Variants in TFDP2 observed in about 807,000 individuals in gnomAD.
TFDP2 encodes the protein transcription factor Dp-2 (E2F dimerization partner 2).
A neutral mutation model predicts 59.3 loss-of-function variants in TFDP2; 17 were observed. That is an observed-to-expected ratio of 0.29 (90% CI 0.20 to 0.43). The LOEUF is 0.43. Ranked by LOEUF, TFDP2 falls within the 20% of genes least tolerant of loss-of-function variation. TFDP2 has a pLI of 1.00. For synonymous variants in TFDP2, 180 were observed against 194.7 expected, an observed-to-expected ratio of 0.92 and a Z score of 0.63; for missense variants, 391 against 528.8, an observed-to-expected ratio of 0.74 and a Z score of 2.56.
chr3:142,102,249 C>T (rs1433529394), intron 1 of TFDP2, among the ~76,000 whole-genome samples: 2 of 152,168 alleles, frequency 1.3e-5, no homozygotes, highest in Admixed American at 1.3e-4. Flanking sequence ...CAGAAATCAG[C>T]TTAAAGAGCC....
At chr3:142,058,948 C>G (rs919867409) in intron 3 of TFDP2, among the ~76,000 whole-genome samples, 1 of 152,152 alleles carries the variant, frequency 6.6e-6, no homozygotes, top group African/African-American at 2.4e-5. Flanking sequence ...CTGGCACCAG[C>G]CCCCATCCTA....
At position 142,099,719 on chromosome 3, in the gene TFDP2, T is replaced by C. The variant is rs528137240; in HGVS notation, c.15+2016A>G. ...CATTTCAAAAAAAAAAAAAAAGAAATGACCCCAAAATTTCTACCTCCATTC... is the reference window on the plus strand; with the variant it reads ...CATTTCAAAAAAAAAAAAAAAGAAACGACCCCAAAATTTCTACCTCCATTC... On this transcript the variant is annotated intron_variant, in intron 2 of 12. Transcript: ENST00000489671. Among the ~76,000 whole-genome samples the C allele has an allele frequency of 5.4e-5, 8 of 148,340 alleles. No homozygotes were observed. The South Asian group carries it at 8.6e-4, about 16-fold the overall frequency.
chr3:141,974,080 T>C lies in TFDP2; in HGVS notation c.631A>G (p.Thr211Ala), dbSNP rs1304521923. 1 of 1,612,358 alleles carries C rather than the reference T, an allele frequency of 6.2e-7. No individual in the cohort carries two copies. The highest frequency in any genetic ancestry group is 8.5e-7 in the Non-Finnish European group (1 of 1,179,402). ...TTCTGACATTCCTGAGCAGAATTGG[T>C]AGGCAGGCCAATCCACTTGATTTCT... ...KKEIKWIGLP[T>A]NSAQECQNLE... The change falls in exon 8 of 13, where the codon ACC becomes GCC. Residue 211 changes from threonine (T) to alanine (A), a missense_variant. Coordinates refer to ENST00000489671, the MANE Select transcript of TFDP2 (RefSeq NM_001178139.2).
At chr3:141,980,661 G>A (rs554268744) in intron 6 of TFDP2, among the ~76,000 whole-genome samples, 15 of 152,056 alleles carry the variant, frequency 9.9e-5, no homozygotes, top group African/African-American at 3.4e-4. Context: ...TCAGCCTCCC[G>A]AGTAGCTGGC....
chr3:142,113,891 G>A (rs139650318), intron 1 of TFDP2, among the ~76,000 whole-genome samples: 8 of 152,254 alleles, frequency 5.3e-5, no homozygotes, highest in African/African-American at 1.9e-4. Flanking sequence ...AGGGCCGGGC[G>A]GGGTGGCTCA....
intron 3 of TFDP2, among the ~76,000 whole-genome samples, chr3:142,049,453 A>C (rs916076575): frequency 1.3e-5 from 2 of 152,250 alleles, no homozygotes; most frequent in Non-Finnish European, 2.9e-5. Flanking sequence ...GACAAGGAAT[A>C]GATGGGAACT....
rs1935281242 is a variant in TFDP2 at position 141,946,659 on chromosome 3, G to A, written c.*5854C>T. 6.6e-6 allele frequency: 1 copy of A among 152,178 alleles called. No homozygotes were observed. Among genetic ancestry groups the A allele is most frequent in the South Asian group, 2.1e-4 (1 of 4,834 alleles). The allele number at this position is 152,178 out of a possible 1,614,324, so 9.4% of individuals were successfully genotyped here. ...GAGATTACCTAAGCATCACTTCTCA[G>A]AGACGTTTTGGTTAAGGGACTACTT... On this transcript the variant is annotated 3_prime_UTR_variant, in exon 13 of 13. Coordinates refer to ENST00000489671, the MANE Select transcript of TFDP2 (RefSeq NM_001178139.2).
At chr3:141,998,161 G>A (rs1943452670) in intron 4 of TFDP2, among the ~76,000 whole-genome samples, 1 of 152,146 alleles carries the variant, frequency 6.6e-6, no homozygotes, top group African/African-American at 2.4e-5. Context: ...GAGTATGTGA[G>A]ATACAGTAAG....
intron 3 of TFDP2, among the ~76,000 whole-genome samples, chr3:142,029,465 T>G (rs199543600): frequency 7.9e-5 from 1 of 12,620 alleles, no homozygotes; most frequent in Non-Finnish European, 1.5e-4. Flanking sequence ...GTTGTCCTGG[T>G]TTTTTTTTAA....
chr3:142,031,875 C>A (rs1946446525), intron 3 of TFDP2, among the ~76,000 whole-genome samples: 1 of 152,150 alleles, frequency 6.6e-6, no homozygotes, highest in Non-Finnish European at 1.5e-5. Flanking sequence ...TCTATCAGAT[C>A]TATATAATGA....
At chr3:142,083,646 A>G (rs1268517403) in intron 3 of TFDP2, among the ~76,000 whole-genome samples, 1 of 152,202 alleles carries the variant, frequency 6.6e-6, no homozygotes, top group Non-Finnish European at 1.5e-5. Flanking sequence ...ATACTGGCAA[A>G]AAAACAGACA....
chr3:142,141,314 C>T (rs1214750826), intron 1 of TFDP2, among the ~76,000 whole-genome samples: 2 of 152,220 alleles, frequency 1.3e-5, no homozygotes, highest in Non-Finnish European at 2.9e-5. Flanking sequence ...CTTCTGATCC[C>T]TTGTGCTTCC....
In TFDP2 at chr3:141,952,507, T is replaced by C; in HGVS notation, c.*6A>G. On this transcript the variant is annotated 3_prime_UTR_variant, in exon 13 of 13. Transcript: ENST00000489671. ...CACATATTGAAACGTAGGCTTTCTC[T>C]TGTCTTTATTCTGGGGAGGAGGAAT... The C allele has an allele frequency of 6.6e-7, 1 of 1,524,652 alleles. No homozygotes were observed. The highest frequency in any genetic ancestry group is 1.4e-5 in the South Asian group (1 of 73,782). The allele number at this position is 1,524,652 out of a possible 1,614,324, so 94.4% of individuals were successfully genotyped here.
chr3:142,133,379 G>A (rs574019942), intron 1 of TFDP2, among the ~76,000 whole-genome samples: 7 of 149,110 alleles, frequency 4.7e-5, no homozygotes, highest in East Asian at 3.9e-4. Context: ...ATCACACCCC[G>A]CTAATATTTT....
At position 141,950,844 on chromosome 3, in the gene TFDP2, GT is replaced by G. The variant is rs1287990747; in HGVS notation, c.*1668del. On this transcript the variant is annotated 3_prime_UTR_variant, in exon 13 of 13. Coordinates refer to ENST00000489671, the MANE Select transcript of TFDP2 (RefSeq NM_001178139.2). ...GCTCCAGAACCCACGATAAGACCGA[GT>G]TCTCTAGAAACTGCCTCTATCTCTG... 5.9e-5 allele frequency: 9 copies of G among 152,422 alleles called. No individual in the cohort carries two copies. Among genetic ancestry groups the G allele is most frequent in the Non-Finnish European group, 1.2e-4 (8 of 68,044 alleles). 9.4% of individuals were successfully genotyped at this position (152,422 alleles called of 1,614,324 possible).
intron 6 of TFDP2, among the ~76,000 whole-genome samples, chr3:141,984,237 C>T (rs771679614): frequency 6.6e-6 from 1 of 152,160 alleles, no homozygotes; most frequent in Non-Finnish European, 1.5e-5. Context: ...TGTGGTGGCT[C>T]ACACCTGTAA....
At chr3:141,953,053 G>T (rs771596109) in intron 11 of TFDP2, 37 bp from the exon 12 acceptor site, 1 of 1,487,194 alleles carries the variant, frequency 6.7e-7, no homozygotes, top group Non-Finnish European at 9.4e-7. Flanking sequence ...TGTCGGTCCT[G>T]CAAGTTCTGT....
intron 9 of TFDP2, 28 bp from the exon 10 acceptor site, chr3:141,963,991 T>G: frequency 1.2e-6 from 2 of 1,601,722 alleles, no homozygotes; most frequent in Non-Finnish European, 1.7e-6. Flanking sequence ...AACAATATGG[T>G]CAATTGTGCA....
intron 4 of TFDP2, among the ~76,000 whole-genome samples, chr3:142,001,489 A>G (rs1943762967): frequency 6.6e-6 from 1 of 152,114 alleles, no homozygotes; most frequent in African/African-American, 2.4e-5. Context: ...TAATCACTGA[A>G]ATGCTATGGG....
Sources: allele counts gnomAD v4.1 joint callset (sites outside exome capture counted in the v4.1 genomes callset), GRCh38; gene constraint gnomAD v4.1.1; transcripts MANE v1.5; gene names NCBI Gene and HGNC (gene_info 2026-07-23, HGNC 2026-07-21).